KAZN: variants seen among roughly 807,000 people sequenced by gnomAD.
The protein encoded by KAZN is kazrin, periplakin interacting protein.
In KAZN, 40 loss-of-function variants were observed where a neutral mutation model predicts 87.4. That is an observed-to-expected ratio of 0.46 (90% CI 0.36 to 0.60). The LOEUF is 0.60. Among genes scored for constraint, KAZN ranks in the 20% least tolerant of loss-of-function variants. KAZN has a pLI of 0.00. For missense variants in KAZN, 898 were observed against 1,073.9 expected, an observed-to-expected ratio of 0.84 and a Z score of 2.29; for synonymous variants, 466 against 458.3, an observed-to-expected ratio of 1.02 and a Z score of -0.22.
intron 2 of KAZN, among the ~76,000 whole-genome samples, chr1:15,028,827 A>T (rs1486846422): frequency 6.6e-6 from 1 of 152,182 alleles, no homozygotes; most frequent in Admixed American, 6.5e-5. Context: ...GCCTCATGGG[A>T]GAGGGTAGCA....
intron 2 of KAZN, among the ~76,000 whole-genome samples, chr1:14,216,886 A>G (rs1340420392): frequency 6.6e-6 from 1 of 152,160 alleles, no homozygotes; most frequent in Admixed American, 6.6e-5. Context: ...CCTAGGTGAC[A>G]AGAGTGGAAC....
intron 1 of KAZN, among the ~76,000 whole-genome samples, chr1:13,894,502 A>G (rs1638960128): frequency 6.6e-6 from 1 of 152,202 alleles, no homozygotes; most frequent in Non-Finnish European, 1.5e-5. Context: ...TTGGAGTCAC[A>G]CACGAAATAG....
At chr1:14,349,980 C>CA (rs1319491384) in intron 2 of KAZN, among the ~76,000 whole-genome samples, 2 of 151,800 alleles carry the variant, frequency 1.3e-5, no homozygotes, top group East Asian at 3.9e-4. Context: ...ACTGAAAATA[C>CA]AAAAAATTAG....
intron 2 of KAZN, among the ~76,000 whole-genome samples, chr1:15,016,934 T>C (rs1670170817): frequency 6.6e-6 from 1 of 152,106 alleles, no homozygotes; most frequent in South Asian, 2.1e-4. Context: ...TGCATTTAAA[T>C]AATAATTAAA....
intron 1 of KAZN, among the ~76,000 whole-genome samples, chr1:14,100,867 G>A (rs989287234): frequency 6.6e-6 from 1 of 152,138 alleles, no homozygotes; most frequent in Non-Finnish European, 1.5e-5. Flanking sequence ...CATGGGATGG[G>A]TCTTTCCCGT....
chr1:14,331,038 A>T (rs1027707165), intron 2 of KAZN, among the ~76,000 whole-genome samples: 1 of 152,150 alleles, frequency 6.6e-6, no homozygotes, highest in Non-Finnish European at 1.5e-5. Flanking sequence ...TAAAGACTAC[A>T]ATTCCCAGAC....
At chr1:14,602,228 A>G (rs1005350873) in intron 1 of KAZN, among the ~76,000 whole-genome samples, 1 of 152,196 alleles carries the variant, frequency 6.6e-6, no homozygotes, top group Non-Finnish European at 1.5e-5. Context: ...AACAGAATCT[A>G]GAAAGTGAAC....
chr1:14,840,700 T>C (rs1441806600), intron 1 of KAZN, among the ~76,000 whole-genome samples: 1 of 152,236 alleles, frequency 6.6e-6, no homozygotes, highest in African/African-American at 2.4e-5. Context: ...TCTTGCAAAC[T>C]CATCTCTTGT....
At chr1:14,369,543 GA>G (rs1253914753) in intron 2 of KAZN, among the ~76,000 whole-genome samples, 1 of 152,162 alleles carries the variant, frequency 6.6e-6, no homozygotes, top group Non-Finnish European at 1.5e-5. Flanking sequence ...TTAGAAGGAA[GA>G]AAAAATGGGG....
intron 2 of KAZN, among the ~76,000 whole-genome samples, chr1:14,215,103 C>T (rs1260268552): frequency 1.3e-5 from 2 of 152,110 alleles, no homozygotes; most frequent in Non-Finnish European, 2.9e-5. Flanking sequence ...GTAATGTGTA[C>T]ATTAAGCATT....
chr1:14,465,293 G>A (rs964646783), intron 2 of KAZN, among the ~76,000 whole-genome samples: 6 of 151,566 alleles, frequency 4.0e-5, no homozygotes, highest in Non-Finnish European at 8.8e-5. Context: ...CAGCTGCTTG[G>A]GAGGCTGAGG....
intron 1 of KAZN, among the ~76,000 whole-genome samples, chr1:14,129,141 A>T (rs969020632): frequency 6.6e-6 from 1 of 152,226 alleles, no homozygotes; most frequent in East Asian, 1.9e-4. Context: ...ATAGGGACTC[A>T]CATGGTACCC....
At chr1:14,839,332 G>C (rs965688744) in intron 1 of KAZN, among the ~76,000 whole-genome samples, 4 of 152,192 alleles carry the variant, frequency 2.6e-5, no homozygotes, top group Admixed American at 2.6e-4. Flanking sequence ...TGAGCTGGGT[G>C]TGAGGAAGTT....
At chr1:13,914,126 G>C (rs766786787) in intron 1 of KAZN, among the ~76,000 whole-genome samples, 2 of 152,186 alleles carry the variant, frequency 1.3e-5, no homozygotes, top group Non-Finnish European at 2.9e-5. Flanking sequence ...TAGGGATGGA[G>C]AACCAAATCC....
At chr1:14,781,348 G>A (rs900708388) in intron 1 of KAZN, among the ~76,000 whole-genome samples, 1 of 152,072 alleles carries the variant, frequency 6.6e-6, no homozygotes, top group African/African-American at 2.4e-5. Context: ...AACAAAAAAG[G>A]CATAAACCTC....
At chr1:14,068,423 G>A (rs930356890) in intron 1 of KAZN, among the ~76,000 whole-genome samples, 1 of 151,980 alleles carries the variant, frequency 6.6e-6, no homozygotes, top group Non-Finnish European at 1.5e-5. Flanking sequence ...GAATCACCTG[G>A]GGCACTTTTA....
At chr1:14,536,782 T>C (rs1369139679) in intron 2 of KAZN, among the ~76,000 whole-genome samples, 1 of 152,052 alleles carries the variant, frequency 6.6e-6, no homozygotes, top group East Asian at 1.9e-4. Flanking sequence ...CTTCGGAGGC[T>C]GAGGCAGGAG....
rs1650127849 is a variant in KAZN at position 14,856,533 on chromosome 1, T to C, written c.227-104151T>C. The stretch of plus-strand genomic sequence containing the variant: ...TTCCCCAGGAAGGTCACATAAATGC[T>C]CATTAATATGAACACTATGTTCATT... On this transcript the variant is annotated intron_variant, in intron 1 of 14. Coordinates refer to ENST00000376030, the MANE Select transcript of KAZN (RefSeq NM_201628.3). This position sits in a 1 kb window ranked among gnomAD's most constrained non-coding sequence, Gnocchi z 5.2. Among the ~76,000 whole-genome samples, 1 of 152,222 alleles carries C rather than the reference T, an allele frequency of 6.6e-6. No individual in the cohort carries two copies.
At chr1:14,482,966 C>A (rs1451862912) in intron 2 of KAZN, among the ~76,000 whole-genome samples, 2 of 152,168 alleles carry the variant, frequency 1.3e-5, no homozygotes, top group Non-Finnish European at 2.9e-5. Context: ...TTGTCATCTG[C>A]ACAATGGGAA....
Sources: gnomAD v4.1 joint callset for allele counts (sites outside exome capture counted in the v4.1 genomes callset) on GRCh38, gnomAD v4.1.1 for gene constraint, Gnocchi (gnomAD v3.1) non-coding constraint, MANE v1.5 for transcripts, NCBI Gene and HGNC (gene_info 2026-07-23, HGNC 2026-07-21) for gene names.